Variants in CCDC148 observed in about 807,000 individuals in gnomAD.
CCDC148 encodes the protein coiled-coil domain containing 148, also known as coiled-coil domain-containing protein 148.
CCDC148 carries 89 observed loss-of-function variants against 85.7 expected under a neutral mutation model. The observed-to-expected ratio is 1.04, with a 90% confidence interval of 0.87 to 1.24. The LOEUF is 1.24. CCDC148 is among the 50% of genes most tolerant of loss of function. CCDC148 has a pLI of 0.00. For synonymous variants in CCDC148, 230 were observed against 213.9 expected, an observed-to-expected ratio of 1.08 and a Z score of -0.66; for missense variants, 692 against 671.7, an observed-to-expected ratio of 1.03 and a Z score of -0.33.
At chr2:158,275,948 T>C (rs1011422485) in intron 9 of CCDC148, among the ~76,000 whole-genome samples, 1 of 152,056 alleles carries the variant, frequency 6.6e-6, no homozygotes, top group Non-Finnish European at 1.5e-5. Context: ...ATTATCATTA[T>C]ACCTATAGAT....
intron 10 of CCDC148, among the ~76,000 whole-genome samples, chr2:158,222,816 C>T (rs1687258782): frequency 6.6e-6 from 1 of 152,174 alleles, no homozygotes; most frequent in South Asian, 2.1e-4. Context: ...AAATTCTCTT[C>T]AAGAATTCAG....
At chr2:158,359,817 G>A (rs1683851389) in intron 1 of CCDC148, among the ~76,000 whole-genome samples, 1 of 152,104 alleles carries the variant, frequency 6.6e-6, no homozygotes, top group Admixed American at 6.5e-5. Context: ...GAATGCCAGT[G>A]AGACAGAACC....
At chr2:158,214,121 T>TAAA (rs70990697) in intron 11 of CCDC148, among the ~76,000 whole-genome samples, 2 of 96,632 alleles carry the variant, frequency 2.1e-5, no homozygotes, top group African/African-American at 3.9e-5. Context: ...AACATTGTGG[T>TAAA]AAAAAAAAAA....
intron 10 of CCDC148, among the ~76,000 whole-genome samples, chr2:158,221,756 C>A (rs1301197648): frequency 6.6e-6 from 1 of 152,180 alleles, no homozygotes; most frequent in Non-Finnish European, 1.5e-5. Context: ...GCCACAATAG[C>A]AACATCTGTT....
chr2:158,194,636 T>A (rs1357643582), intron 11 of CCDC148, among the ~76,000 whole-genome samples: 2 of 152,116 alleles, frequency 1.3e-5, no homozygotes, highest in Admixed American at 6.6e-5. Flanking sequence ...CTCTAAAGTT[T>A]GGAAACCACT....
chr2:158,370,886 C>T (rs1012117056), intron 1 of CCDC148, among the ~76,000 whole-genome samples: 6 of 148,020 alleles, frequency 4.1e-5, no homozygotes, highest in South Asian at 2.1e-4. Flanking sequence ...AAGTTGATTA[C>T]GGGAAATTAA....
intron 7 of CCDC148, among the ~76,000 whole-genome samples, chr2:158,316,634 G>A (rs1352480229): frequency 6.6e-6 from 1 of 152,060 alleles, no homozygotes; most frequent in Non-Finnish European, 1.5e-5. Context: ...TTATTTTTAG[G>A]TTATGTATTT....
intron 2 of CCDC148, among the ~76,000 whole-genome samples, chr2:158,349,791 T>C (rs995673498): frequency 6.6e-6 from 1 of 152,070 alleles, no homozygotes; most frequent in Middle Eastern, 3.2e-3. Flanking sequence ...AAAGCAAGTG[T>C]TAGAAAATGA....
intron 12 of CCDC148, among the ~76,000 whole-genome samples, chr2:158,178,607 A>C (rs949300407): frequency 6.6e-6 from 1 of 152,162 alleles, no homozygotes; most frequent in African/African-American, 2.4e-5. Context: ...GATACTATCC[A>C]GCTAATAAAC....
At chr2:158,240,696 A>G (rs79923850) in intron 10 of CCDC148, among the ~76,000 whole-genome samples, 4,913 of 152,110 alleles carry the variant, frequency 0.032, 155 homozygotes, top group East Asian at 0.1. Flanking sequence ...CTCTCCCTCA[A>G]CAGCAGAGCA....
intron 10 of CCDC148, among the ~76,000 whole-genome samples, chr2:158,225,805 A>C (rs1485422949): frequency 2.0e-5 from 3 of 152,178 alleles, no homozygotes; most frequent in Non-Finnish European, 4.4e-5. Context: ...CATTCAAAGC[A>C]GTGTGTAGAG....
At chr2:158,437,408 C>T (rs1447409643) in intron 1 of CCDC148, among the ~76,000 whole-genome samples, 2 of 152,094 alleles carry the variant, frequency 1.3e-5, no homozygotes, top group South Asian at 4.2e-4. Context: ...GCAGAAAAGG[C>T]CTTTGACAAA....
chr2:158,288,764 A>T (rs1427362055), intron 9 of CCDC148: 3 of 405,012 alleles, frequency 7.4e-6, no homozygotes, highest in Non-Finnish European at 1.5e-5. Context: ...TCTTTTCAGC[A>T]ACACTTCACT....
intron 1 of CCDC148, among the ~76,000 whole-genome samples, chr2:158,387,862 G>A (rs778054110): frequency 9.2e-5 from 14 of 152,102 alleles, no homozygotes; most frequent in Non-Finnish European, 1.6e-4. Context: ...GTCCTTACCC[G>A]CATTGGTCTC....
At chr2:158,328,175 C>T (rs573969728) in intron 7 of CCDC148, among the ~76,000 whole-genome samples, 200 of 152,242 alleles carry the variant, frequency 1.3e-3, no homozygotes, top group Non-Finnish European at 2.2e-3. Context: ...CCGCCCACCC[C>T]ACAACAGGCC....
intron 10 of CCDC148, among the ~76,000 whole-genome samples, chr2:158,239,138 A>T (rs1688237717): frequency 6.6e-6 from 1 of 152,184 alleles, no homozygotes; most frequent in East Asian, 1.9e-4. Context: ...TGTTAATTAA[A>T]TCAAATCCCT....
chr2:158,454,893 T>C (rs539759367), intron 1 of CCDC148, among the ~76,000 whole-genome samples: 1 of 152,218 alleles, frequency 6.6e-6, no homozygotes, highest in African/African-American at 2.4e-5. Flanking sequence ...TTATTCATGG[T>C]GGATTTCAGT....
chr2:158,398,842 T>G (rs57924219), intron 1 of CCDC148, among the ~76,000 whole-genome samples: 1 of 152,004 alleles, frequency 6.6e-6, no homozygotes, highest in Admixed American at 6.6e-5. Context: ...CAGGAGCTGG[T>G]TTTTTGAAAA....
At chr2:158,364,715 G>C (rs1192045152) in intron 1 of CCDC148, among the ~76,000 whole-genome samples, 1 of 152,160 alleles carries the variant, frequency 6.6e-6, no homozygotes, top group African/African-American at 2.4e-5. Flanking sequence ...AGTCCTAGAA[G>C]AAAACCTAGG....
Sources: allele counts gnomAD v4.1 joint callset (sites outside exome capture counted in the v4.1 genomes callset), GRCh38; gene constraint gnomAD v4.1.1; transcripts MANE v1.5; gene names NCBI Gene and HGNC (gene_info 2026-07-23, HGNC 2026-07-21).